PHKB: variants seen among roughly 807,000 people sequenced by gnomAD.
PHKB encodes the protein phosphorylase b kinase regulatory subunit beta.
In PHKB, 122 loss-of-function variants were observed where a neutral mutation model predicts 152.1. The observed-to-expected ratio is 0.80, with a 90% CI of 0.69 to 0.93. PHKB has a LOEUF of 0.93. Ranked by LOEUF, PHKB falls within the 40% of genes least tolerant of loss-of-function variation. The pLI is 0.00. For synonymous variants in PHKB, 436 were observed against 464.9 expected, an observed-to-expected ratio of 0.94 and a Z score of 0.80; for missense variants, 1,304 against 1,328.4, an observed-to-expected ratio of 0.98 and a Z score of 0.29.
At chr16:47,643,435 C>G (rs765518587) in intron 16 of PHKB, among the ~76,000 whole-genome samples, 13 of 152,192 alleles carry the variant, frequency 8.5e-5, no homozygotes, top group Admixed American at 8.5e-4. Flanking sequence ...TAAAGACTTA[C>G]AACAGTTCCT....
At chr16:47,494,284 C>T (rs1970197979) in intron 1 of PHKB, among the ~76,000 whole-genome samples, 1 of 152,206 alleles carries the variant, frequency 6.6e-6, no homozygotes, top group African/African-American at 2.4e-5. Context: ...TAGATAGAAG[C>T]TGCCCTGAAT....
intron 10 of PHKB, among the ~76,000 whole-genome samples, chr16:47,592,579 C>G (rs1050695757): frequency 4.6e-5 from 7 of 152,226 alleles, no homozygotes; most frequent in Admixed American, 2.0e-4. Flanking sequence ...TAAACATTCC[C>G]TGATTCCAAG....
At chr16:47,508,445 A>T (rs1000488713) in intron 4 of PHKB, among the ~76,000 whole-genome samples, 19 of 152,140 alleles carry the variant, frequency 1.2e-4, no homozygotes, top group Non-Finnish European at 5.9e-5. Context: ...TCTACTGAAA[A>T]TTTTTTTTAA....
chr16:47,636,261 G>A (rs1401019513), intron 14 of PHKB, among the ~76,000 whole-genome samples: 2 of 152,236 alleles, frequency 1.3e-5, no homozygotes, highest in Admixed American at 6.5e-5. Flanking sequence ...AAACATGGAA[G>A]CATCTGCTTA....
chr16:47,695,245 G>A (rs1407399891), intron 28 of PHKB, among the ~76,000 whole-genome samples: 7 of 152,152 alleles, frequency 4.6e-5, no homozygotes, highest in Non-Finnish European at 8.8e-5. Context: ...TAGTTGCACA[G>A]TAGCTAGGTT....
chr16:47,653,426 C>T (rs1183862727), intron 20 of PHKB, among the ~76,000 whole-genome samples: 1 of 152,184 alleles, frequency 6.6e-6, no homozygotes, highest in Non-Finnish European at 1.5e-5. Context: ...AACTTTTGGA[C>T]CCAGTCTTCC....
At chr16:47,611,092 A>G (rs1483508365) in intron 14 of PHKB, among the ~76,000 whole-genome samples, 172 bp downstream of exon 14, 1 of 152,156 alleles carries the variant, frequency 6.6e-6, no homozygotes, top group Admixed American at 6.5e-5. Flanking sequence ...GTTAATGAGG[A>G]AGTAGATTTC....
chr16:47,507,100 A>G (rs1239100077), intron 4 of PHKB, among the ~76,000 whole-genome samples: 1 of 152,034 alleles, frequency 6.6e-6, no homozygotes. Context: ...CAGCCTCCCA[A>G]GTAGCTGGGG....
At chr16:47,677,262 G>A (rs1252245088) in intron 26 of PHKB, among the ~76,000 whole-genome samples, 1 of 152,134 alleles carries the variant, frequency 6.6e-6, no homozygotes, top group Non-Finnish European at 1.5e-5. Context: ...ACATCCTTCA[G>A]TCACCAAACA....
chr16:47,611,738 G>A (rs779614833), intron 14 of PHKB, among the ~76,000 whole-genome samples: 1 of 152,110 alleles, frequency 6.6e-6, no homozygotes, highest in Non-Finnish European at 1.5e-5. Flanking sequence ...CAACAGCCCC[G>A]TTAGATTCTA....
At chr16:47,485,638 A>G (rs1390536023) in intron 1 of PHKB, among the ~76,000 whole-genome samples, 12 of 152,264 alleles carry the variant, frequency 7.9e-5, no homozygotes, top group African/African-American at 2.4e-4. Flanking sequence ...TTATTTATCT[A>G]GAGATAAGGT....
intron 26 of PHKB, among the ~76,000 whole-genome samples, chr16:47,685,066 G>GTTCCTTCC (rs546125870): frequency 6.6e-6 from 1 of 151,950 alleles, no homozygotes; most frequent in Non-Finnish European, 1.5e-5. Context: ...TCTGCCCTTT[G>GTTCCTTCC]TTCCTTCCTT....
chr16:47,566,137 A>G (rs1271750539), intron 7 of PHKB: 1 of 651,888 alleles, frequency 1.5e-6, no homozygotes, highest in East Asian at 2.6e-5. Flanking sequence ...TGGTCATCAT[A>G]GCGATCCCAG....
chr16:47,490,879 G>A (rs1381746754), intron 1 of PHKB, among the ~76,000 whole-genome samples: 8 of 151,944 alleles, frequency 5.3e-5, no homozygotes, highest in Non-Finnish European at 1.2e-4. Flanking sequence ...CACACAGAAA[G>A]CCTCTTCTGC....
intron 6 of PHKB, among the ~76,000 whole-genome samples, chr16:47,537,847 A>T (rs956076869): frequency 3.3e-5 from 5 of 151,990 alleles, no homozygotes; most frequent in Non-Finnish European, 5.9e-5. Flanking sequence ...AATTGTAAGC[A>T]GGTATTGTAA....
At chr16:47,563,743 AG>A (rs1201348767) in intron 7 of PHKB, among the ~76,000 whole-genome samples, 1 of 152,152 alleles carries the variant, frequency 6.6e-6, no homozygotes, top group African/African-American at 2.4e-5. Flanking sequence ...CTGGGCGTTA[AG>A]GGTACCCATC....
intron 13 of PHKB, among the ~76,000 whole-genome samples, chr16:47,602,870 T>C (rs1972256221): frequency 6.6e-6 from 1 of 152,210 alleles, no homozygotes; most frequent in Admixed American, 6.5e-5. Context: ...GCCTACTCTT[T>C]GATAGTGACT....
At position 47,671,587 on chromosome 16, in the gene PHKB, T is replaced by C. The variant is rs77922622; in HGVS notation, c.2630+2170T>C. ...AGTTTTACACATAAATGTGATGTAC[T>C]TTTTTAAACATTATTACCCATTTTT... On this transcript the variant is annotated intron_variant, in intron 26 of 30. Coordinates refer to ENST00000323584, the MANE Select transcript of PHKB (RefSeq NM_000293.3). Among the ~76,000 whole-genome samples, 866 of 152,328 alleles carry C rather than the reference T, an allele frequency of 5.7e-3. 8 individuals are homozygous for C. Among genetic ancestry groups the C allele is most frequent in the African/African-American group, 0.02 (828 of 41,584 alleles).
chr16:47,587,893 G>GA (rs1971961876), intron 9 of PHKB, 130 bp downstream of exon 9: 1 of 757,918 alleles, frequency 1.3e-6, no homozygotes, highest in Non-Finnish European at 2.2e-6. Context: ...GGACATGATA[G>GA]ATATTGCCCC....
Sources: allele counts gnomAD v4.1 joint callset (sites outside exome capture counted in the v4.1 genomes callset), GRCh38; gene constraint gnomAD v4.1.1; transcripts MANE v1.5; gene names NCBI Gene and HGNC (gene_info 2026-07-23, HGNC 2026-07-21).